The following KSR1 variants were observed in gnomAD, a reference collection of about 807,000 sequenced individuals.
The protein encoded by KSR1 is kinase suppressor of ras 1, also known as kinase suppressor of ras.
Under a neutral mutation model 92.9 loss-of-function variants are expected in KSR1, and 35 were observed. That is an observed-to-expected ratio of 0.38 (90% CI 0.29 to 0.50). The LOEUF (loss-of-function observed/expected upper bound fraction) is 0.50, where lower values mean the gene tolerates loss of function less well. KSR1 is among the 20% of genes least tolerant of loss of function. KSR1 has a pLI of 0.94. For missense variants in KSR1, 972 were observed against 1,158.5 expected, an observed-to-expected ratio of 0.84 and a Z score of 2.34; for synonymous variants, 467 against 472.6, an observed-to-expected ratio of 0.99 and a Z score of 0.15.
intron 1 of KSR1, among the ~76,000 whole-genome samples, chr17:27,496,410 TA>T (rs1278879290): frequency 6.6e-6 from 1 of 152,208 alleles, no homozygotes; most frequent in African/African-American, 2.4e-5. Context: ...AAAACCTAGA[TA>T]ATTTGCCGCC....
At chr17:27,573,375 A>G (rs2072384032) in intron 2 of KSR1, among the ~76,000 whole-genome samples, 1 of 152,184 alleles carries the variant, frequency 6.6e-6, no homozygotes, top group Admixed American at 6.5e-5. Flanking sequence ...TTGTTCAGTA[A>G]AAAGGCAGAG....
At chr17:27,503,956 A>G (rs982383496) in intron 1 of KSR1, among the ~76,000 whole-genome samples, 9 of 152,194 alleles carry the variant, frequency 5.9e-5, no homozygotes, top group Non-Finnish European at 8.8e-5. Context: ...AGCCTATGCA[A>G]TCCTGACAGA....
chr17:27,608,049 C>T (rs1007587725), intron 15 of KSR1, 39 bp downstream of exon 15: 15 of 1,454,728 alleles, frequency 1.0e-5, no homozygotes, highest in African/African-American at 2.8e-5. Flanking sequence ...GGTTTCTGGC[C>T]GGTTCCAGGG....
chr17:27,597,874 G>C (rs1049454019), intron 10 of KSR1, among the ~76,000 whole-genome samples: 4 of 152,208 alleles, frequency 2.6e-5, no homozygotes, highest in Non-Finnish European at 2.9e-5. Context: ...TCCCACTCGT[G>C]ATCTGGGTAA....
chr17:27,580,364 T>C (rs895570275), intron 3 of KSR1, among the ~76,000 whole-genome samples: 12 of 152,136 alleles, frequency 7.9e-5, no homozygotes, highest in African/African-American at 1.9e-4. Context: ...GGTTCCTGAA[T>C]AGAAAGTCAC....
chr17:27,582,845 C>A lies in KSR1; in HGVS notation c.720C>A (p.Thr240=). The A allele has an allele frequency of 1.2e-6, 2 of 1,613,434 alleles. No homozygotes were observed. The highest frequency in any genetic ancestry group is 1.7e-6 in the Non-Finnish European group (2 of 1,179,634). The change falls in exon 4 of 21, where the codon ACC becomes ACA. Residue 240 remains threonine, a synonymous_variant. Coordinates refer to ENST00000644974, the MANE Select transcript of KSR1 (RefSeq NM_001394583.1). Reference sequence around the variant, plus strand: ...CTCTGCCCGCCTCAGACTCCCCCACCCCCAGCTTCAGTGAGGGCCTCTCAG... The same window carrying A: ...CTCTGCCCGCCTCAGACTCCCCCACACCCAGCTTCAGTGAGGGCCTCTCAG... The part of the protein sequence containing the change: ...VSALPASDSP[T]PSFSEGLSDT...
At chr17:27,513,570 GC>G (rs2069679342) in intron 1 of KSR1, among the ~76,000 whole-genome samples, 2 of 152,194 alleles carry the variant, frequency 1.3e-5, no homozygotes, top group Non-Finnish European at 1.5e-5. Flanking sequence ...AACCTTGTAA[GC>G]CGATGGGGAG....
intron 1 of KSR1, among the ~76,000 whole-genome samples, chr17:27,474,030 G>A (rs553505330): frequency 6.6e-6 from 1 of 152,292 alleles, no homozygotes; most frequent in South Asian, 2.1e-4. Context: ...GGCTGCGATC[G>A]GCCATGTGTC....
chr17:27,568,368 T>A (rs938844475), intron 2 of KSR1, among the ~76,000 whole-genome samples: 5 of 152,192 alleles, frequency 3.3e-5, no homozygotes, highest in African/African-American at 1.2e-4. Flanking sequence ...GGACGGCATC[T>A]GTGATTTGGC....
chr17:27,457,145 C>T (rs994940714), intron 1 of KSR1, among the ~76,000 whole-genome samples: 8 of 152,308 alleles, frequency 5.3e-5, no homozygotes, highest in Non-Finnish European at 1.0e-4. Context: ...TCCCCTTTCC[C>T]CCCTTCTCCG....
At chr17:27,478,170 G>A (rs542603814) in intron 1 of KSR1, among the ~76,000 whole-genome samples, 18 of 152,326 alleles carry the variant, frequency 1.2e-4, no homozygotes, top group African/African-American at 3.6e-4. Context: ...GGAATTGAAC[G>A]AGGGTTCTGG....
At chr17:27,487,088 G>T (rs1171663125) in intron 1 of KSR1, among the ~76,000 whole-genome samples, 2 of 152,180 alleles carry the variant, frequency 1.3e-5, no homozygotes, top group African/African-American at 2.4e-5. Context: ...TACTGTGTTA[G>T]TCCATTTTAT....
At chr17:27,591,125 C>T (rs1487107426) in intron 7 of KSR1, among the ~76,000 whole-genome samples, 1 of 152,122 alleles carries the variant, frequency 6.6e-6, no homozygotes, top group Non-Finnish European at 1.5e-5. Context: ...AATTCCAGGC[C>T]ATGGGTGCAT....
chr17:27,497,735 C>G (rs2069040135), intron 1 of KSR1, among the ~76,000 whole-genome samples: 1 of 152,084 alleles, frequency 6.6e-6, no homozygotes, highest in African/African-American at 2.4e-5. Context: ...AATAATAGTA[C>G]TGGTGGCATA....
In KSR1 at chr17:27,523,671, A is replaced by G. The variant is rs118076674; in HGVS notation, c.232-26897A>G. On this transcript the variant is annotated intron_variant, in intron 1 of 20. Coordinates refer to ENST00000644974, the MANE Select transcript of KSR1 (RefSeq NM_001394583.1). ...AAGAAGTCTGGATGTAGGTAACCCA[A>G]TGTCGGTGTGGTGGGTCCACAAAGT... 2.4e-3 allele frequency among the ~76,000 whole-genome samples: 366 copies of G among 152,304 alleles called. 2 individuals are homozygous for G. Among genetic ancestry groups the G allele is most frequent in the South Asian group, 4.8e-3 (23 of 4,830 alleles).
Position 27,577,753 on chromosome 17 carries a change from C to T in KSR1, c.520+114C>T. The T allele has an allele frequency of 1.1e-6, 1 of 872,476 alleles. No individual in the cohort carries two copies. The highest frequency in any genetic ancestry group is 1.8e-6 in the Non-Finnish European group (1 of 541,328). The allele number at this position is 872,476 out of a possible 1,614,324, so 54.0% of individuals were successfully genotyped here. A position where few individuals can be genotyped will look rare whatever the true frequency, so the allele number is the denominator to read the frequency against. On this transcript the variant is annotated intron_variant, in intron 3 of 20. Coordinates refer to ENST00000644974, the MANE Select transcript of KSR1 (RefSeq NM_001394583.1). The surrounding 1 kb of genome is among the most constrained non-coding windows in gnomAD (Gnocchi z 4.5). ...GCGTGGCCCAGGGTTTCTGGGGCAG[C>T]CTGGAAAGGCCAGGGTTGGATGTTC...
chr17:27,512,578 C>T lies in KSR1; in HGVS notation c.232-37990C>T, dbSNP rs2069638370. Among the ~76,000 whole-genome samples, 4 of 152,166 alleles carry T rather than the reference C, an allele frequency of 2.6e-5. No individual in the cohort carries two copies. In the South Asian group the frequency reaches 8.3e-4, roughly 32 times the overall value. On this transcript the variant is annotated intron_variant, in intron 1 of 20. Coordinates refer to ENST00000644974, the MANE Select transcript of KSR1 (RefSeq NM_001394583.1). The stretch of plus-strand genomic sequence containing the variant: ...CGTCTCTACTAAAAACAAAAATTAG[C>T]TGGATGTGGTGGCGTATGCTTGTAA...
Position 27,550,602 on chromosome 17 carries a change from A to G in KSR1, c.266A>G (p.Gln89Arg), listed in dbSNP as rs751845314. The change falls in exon 2 of 21, where the codon CAG becomes CGG. Residue 89 changes from glutamine (Q) to arginine (R), a missense_variant. Around this residue, in one of 5 missense-constraint regions of KSR1, gnomAD observed 611 missense variants for 668.0 expected, o/e 0.91. Coordinates refer to ENST00000644974, the MANE Select transcript of KSR1 (RefSeq NM_001394583.1). ...KLVRYICKQRQCKLSVAPGER... is the reference protein window; with the variant it reads ...KLVRYICKQRRCKLSVAPGER... ...GTCCGTTACATTTGTAAGCAGAGGC[A>G]GTGCAAGCTGAGCGTGGCTCCCGGT... 1.3e-6 allele frequency: 1 copy of G among 764,936 alleles called. No homozygotes were observed. The highest frequency in any genetic ancestry group is 2.4e-6 in the Non-Finnish European group (1 of 417,856). The allele number at this position is 764,936 out of a possible 1,614,324, so 47.4% of individuals were successfully genotyped here.
chr17:27,491,169 G>A (rs1190388055), intron 1 of KSR1, among the ~76,000 whole-genome samples: 1 of 151,920 alleles, frequency 6.6e-6, no homozygotes, highest in East Asian at 1.9e-4. Flanking sequence ...CGCCCAGGCT[G>A]GAGCAAGTAT....
Sources: allele counts gnomAD v4.1 joint callset (sites outside exome capture counted in the v4.1 genomes callset), GRCh38; gene constraint gnomAD v4.1.1; regional missense constraint gnomAD v4.1.1; non-coding constraint Gnocchi (gnomAD v3.1); transcripts MANE v1.5; gene names NCBI Gene and HGNC (gene_info 2026-07-23, HGNC 2026-07-21).